CEP112: variants seen among roughly 807,000 people sequenced by gnomAD.
CEP112 encodes centrosomal protein 112.
In CEP112, 127 loss-of-function variants were observed where a neutral mutation model predicts 153.0. The observed-to-expected ratio is 0.83, with a 90% confidence interval of 0.72 to 0.96. The LOEUF (loss-of-function observed/expected upper bound fraction) is 0.96. Among genes scored for constraint, CEP112 ranks in the 40% least tolerant of loss-of-function variants. The probability of loss-of-function intolerance (pLI) is 0.00; values close to 1 mark genes in which losing one functional copy is unlikely to be tolerated. For missense variants in CEP112, 1,089 were observed against 1,101.2 expected (o/e 0.99, Z 0.16); for synonymous variants, 358 against 374.4 (o/e 0.96, Z 0.51).
At chr17:66,121,937 C>T (rs2069616602) in intron 6 of CEP112, among the ~76,000 whole-genome samples, 1 of 152,094 alleles carries the variant, frequency 6.6e-6, no homozygotes, top group Non-Finnish European at 1.5e-5. Flanking sequence ...CTCTGTCGCC[C>T]AGGCTGGAGT....
intron 20 of CEP112, among the ~76,000 whole-genome samples, chr17:65,883,647 G>T (rs1475734551): frequency 2.6e-5 from 4 of 152,176 alleles, no homozygotes; most frequent in Non-Finnish European, 4.4e-5. Flanking sequence ...GATTACAGGC[G>T]TGAGCCACCG....
At chr17:66,042,333 G>C (rs1217593286) in intron 12 of CEP112, among the ~76,000 whole-genome samples, 1 of 152,140 alleles carries the variant, frequency 6.6e-6, no homozygotes, top group African/African-American at 2.4e-5. Context: ...CTGGGTGACA[G>C]AGAGAGACTG....
At chr17:65,789,319 G>A (rs1353311923) in intron 21 of CEP112, among the ~76,000 whole-genome samples, 1 of 151,936 alleles carries the variant, frequency 6.6e-6, no homozygotes, top group Admixed American at 6.6e-5. Flanking sequence ...CTAACTTATT[G>A]TCCTATTCAC....
At chr17:66,174,751 G>C (rs1208629671) in intron 4 of CEP112, among the ~76,000 whole-genome samples, 1 of 152,096 alleles carries the variant, frequency 6.6e-6, no homozygotes, top group Non-Finnish European at 1.5e-5. Context: ...GGATTTGCAG[G>C]ATATTTTGTT....
chr17:65,860,030 A>C (rs1226144185), intron 20 of CEP112, among the ~76,000 whole-genome samples: 3 of 146,224 alleles, frequency 2.1e-5, no homozygotes, highest in Non-Finnish European at 4.6e-5. Context: ...AAAAAAAAAA[A>C]CAAAAACCTA....
In CEP112 at chr17:66,029,204, C is replaced by T; in HGVS notation, c.1422G>A (p.Glu474=). 1 of 1,611,360 alleles carries T rather than the reference C, an allele frequency of 6.2e-7. No individual in the cohort carries two copies. The highest frequency in any genetic ancestry group is 1.3e-5 in the African/African-American group (1 of 74,954). Residue 474 remains glutamate (E), a synonymous_variant, in exon 14 of 27, where the codon GAG becomes GAA. Coordinates refer to ENST00000535342, the MANE Select transcript of CEP112 (RefSeq NM_001199165.4). ...TGGTTTGTAACAGTTTCATGTTTTG[C>T]TCATAATCATTTACAAGATGGTCCT... is the stretch of plus-strand genomic sequence containing the variant. ...KEKDHLVNDY[E]QNMKLLQTKY... is the part of the protein sequence containing the mutation.
At chr17:66,167,888 G>A (rs572725388) in intron 4 of CEP112, among the ~76,000 whole-genome samples, 2 of 152,270 alleles carry the variant, frequency 1.3e-5, no homozygotes, top group South Asian at 4.1e-4. Context: ...ACAGTACCTA[G>A]CATGCAGTAG....
chr17:66,108,791 G>A (rs996729893), intron 6 of CEP112, among the ~76,000 whole-genome samples: 15 of 152,122 alleles, frequency 9.9e-5, no homozygotes, highest in African/African-American at 3.6e-4. Context: ...GGAAATTAGT[G>A]TATCAAAGAG....
chr17:65,957,407 T>C (rs1056285043), intron 18 of CEP112, among the ~76,000 whole-genome samples: 4 of 152,172 alleles, frequency 2.6e-5, no homozygotes, highest in African/African-American at 9.7e-5. Context: ...TAACATCTTT[T>C]CATATTTCGA....
intron 8 of CEP112, among the ~76,000 whole-genome samples, chr17:66,072,790 G>A (rs1431641416): frequency 6.6e-6 from 1 of 152,098 alleles, no homozygotes; most frequent in Non-Finnish European, 1.5e-5. Flanking sequence ...TGATGCTACA[G>A]AATACCTCTA....
intron 18 of CEP112, among the ~76,000 whole-genome samples, chr17:65,945,448 G>A (rs2077652212): frequency 6.6e-6 from 1 of 152,112 alleles, no homozygotes; most frequent in Admixed American, 6.5e-5. Flanking sequence ...AGTTTTCTTA[G>A]ATATTGTCAA....
At chr17:66,078,883 C>T (rs182772956) in intron 8 of CEP112, among the ~76,000 whole-genome samples, 103 of 152,034 alleles carry the variant, frequency 6.8e-4, no homozygotes, top group Non-Finnish European at 1.1e-3. Context: ...TCATATATGA[C>T]GCTTAGTTTC....
intron 23 of CEP112, among the ~76,000 whole-genome samples, chr17:65,707,170 G>A (rs577510420): frequency 6.6e-6 from 1 of 152,254 alleles, no homozygotes; most frequent in South Asian, 2.1e-4. Context: ...ACTTACTTTG[G>A]AAGTCATTAT....
At chr17:65,725,902 T>C (rs954248625) in intron 23 of CEP112, among the ~76,000 whole-genome samples, 2 of 151,968 alleles carry the variant, frequency 1.3e-5, no homozygotes, top group Non-Finnish European at 2.9e-5. Context: ...TGGGAGTACA[T>C]GATGAGATTT....
intron 20 of CEP112, among the ~76,000 whole-genome samples, chr17:65,866,097 C>T (rs565552233): frequency 1.3e-5 from 2 of 152,238 alleles, no homozygotes; most frequent in African/African-American, 4.8e-5. Context: ...CCAGACGCAG[C>T]CACGTACCCA....
At chr17:65,959,560 G>T (rs928258148) in intron 18 of CEP112, among the ~76,000 whole-genome samples, 8 of 152,338 alleles carry the variant, frequency 5.3e-5, no homozygotes, top group African/African-American at 1.9e-4. Flanking sequence ...CCCCAGACCT[G>T]GGCGCTCCCG....
At chr17:66,105,809 T>A (rs1046542976) in intron 6 of CEP112, among the ~76,000 whole-genome samples, 4 of 152,074 alleles carry the variant, frequency 2.6e-5, no homozygotes, top group African/African-American at 9.7e-5. Flanking sequence ...ATGAGCCTAA[T>A]AACTATTTAC....
chr17:65,989,926 T>C (rs1413988928), intron 17 of CEP112, among the ~76,000 whole-genome samples: 1 of 152,174 alleles, frequency 6.6e-6, no homozygotes, highest in Admixed American at 6.5e-5. Context: ...TCCTATACTT[T>C]GAGATCTAAG....
chr17:65,816,639 G>A (rs1019824145), intron 21 of CEP112, among the ~76,000 whole-genome samples: 1 of 151,986 alleles, frequency 6.6e-6, no homozygotes, highest in Non-Finnish European at 1.5e-5. Context: ...GCATTCCTGA[G>A]ATAAACCCTA....
Sources: allele counts gnomAD v4.1 joint callset (sites outside exome capture counted in the v4.1 genomes callset), GRCh38; gene constraint gnomAD v4.1.1; transcripts MANE v1.5; gene names NCBI Gene and HGNC (gene_info 2026-07-23, HGNC 2026-07-21).